AGBL3: variants seen among roughly 807,000 people sequenced by gnomAD.
AGBL3 encodes cytosolic carboxypeptidase 3.
Under a neutral mutation model 94.5 loss-of-function variants are expected in AGBL3, and 68 were observed. The observed-to-expected ratio is 0.72, with a 90% CI of 0.59 to 0.88. The LOEUF (loss-of-function observed/expected upper bound fraction) is 0.88. AGBL3 is among the 40% of genes least tolerant of loss of function. The pLI is 0.00. For missense variants in AGBL3, 934 were observed against 1,103.8 expected, an observed-to-expected ratio of 0.85 and a Z score of 2.18; for synonymous variants, 354 against 370.7, an observed-to-expected ratio of 0.95 and a Z score of 0.52.
chr7:135,037,255 T>C (rs1019096565), intron 7 of AGBL3, among the ~76,000 whole-genome samples, 163 bp from the exon 8 acceptor site: 1 of 152,136 alleles, frequency 6.6e-6, no homozygotes, highest in African/African-American at 2.4e-5. Context: ...TAAATTATTG[T>C]AGATTTAAAA....
intron 16 of AGBL3, among the ~76,000 whole-genome samples, chr7:135,120,314 C>A (rs1306267828): frequency 6.6e-6 from 1 of 151,788 alleles, no homozygotes; most frequent in Non-Finnish European, 1.5e-5. Context: ...TATTTAAGAC[C>A]ACTATAAATG....
intron 4 of AGBL3, among the ~76,000 whole-genome samples, chr7:135,014,237 T>C (rs974967528): frequency 1.3e-5 from 2 of 149,210 alleles, no homozygotes; most frequent in Non-Finnish European, 3.0e-5. Flanking sequence ...ACCCGAAATG[T>C]TGATACCTAT....
At chr7:135,030,905 G>A (rs1815670279) in intron 5 of AGBL3, among the ~76,000 whole-genome samples, 2 of 152,072 alleles carry the variant, frequency 1.3e-5, no homozygotes, top group African/African-American at 2.4e-5. Context: ...ACAAAATGAT[G>A]TTATGATTTA....
chr7:135,045,338 C>A, intron 9 of AGBL3, 136 bp from the exon 10 acceptor site: 1 of 682,672 alleles, frequency 1.5e-6, no homozygotes, highest in Non-Finnish European at 2.5e-6. Flanking sequence ...TGTTAAATGA[C>A]CTGTCCTGAA....
chr7:135,073,733 G>GT (rs1820191607), intron 12 of AGBL3, among the ~76,000 whole-genome samples: 1 of 151,964 alleles, frequency 6.6e-6, no homozygotes, highest in African/African-American at 2.4e-5. Flanking sequence ...CAGGGGGTAC[G>GT]TGACTGGGGG....
intron 16 of AGBL3, among the ~76,000 whole-genome samples, chr7:135,120,729 G>A (rs1827021018): frequency 6.6e-6 from 1 of 152,174 alleles, no homozygotes; most frequent in Non-Finnish European, 1.5e-5. Flanking sequence ...GAGGCAGGCT[G>A]AAAGTAAAAG....
chr7:135,094,809 A>G (rs1247075552), intron 15 of AGBL3, among the ~76,000 whole-genome samples: 1 of 152,224 alleles, frequency 6.6e-6, no homozygotes, highest in African/African-American at 2.4e-5. Flanking sequence ...TTCAGATTAC[A>G]TAAGTTGTTT....
intron 4 of AGBL3, among the ~76,000 whole-genome samples, chr7:135,016,200 T>G (rs1813787259): frequency 6.6e-6 from 1 of 152,198 alleles, no homozygotes; most frequent in Admixed American, 6.5e-5. Flanking sequence ...ACATTTAAAT[T>G]TTTAATTATA....
chr7:135,010,296 GT>G (rs760455127), intron 4 of AGBL3: 200 of 250,892 alleles, frequency 8.0e-4, no homozygotes, highest in South Asian at 1.6e-3. Context: ...AAAGTGCTGG[GT>G]TTTTTTTTGT....
intron 12 of AGBL3, among the ~76,000 whole-genome samples, chr7:135,066,842 C>T (rs1356513367): frequency 1.3e-5 from 2 of 152,172 alleles, no homozygotes; most frequent in African/African-American, 4.8e-5. Flanking sequence ...TCAGCATTTC[C>T]AACTGAGGTA....
intron 4 of AGBL3, among the ~76,000 whole-genome samples, chr7:135,004,059 G>A (rs1457840821): frequency 6.6e-6 from 1 of 151,276 alleles, no homozygotes; most frequent in Non-Finnish European, 1.5e-5. Context: ...GCAAATTATT[G>A]GCTTCTGGTT....
chr7:135,096,558 A>AAGATAGAAAGATAGAT (rs1822773897), intron 15 of AGBL3, among the ~76,000 whole-genome samples: 1 of 79,730 alleles, frequency 1.3e-5, no homozygotes, highest in African/African-American at 4.6e-5. Context: ...GAAAGAAAGA[A>AAGATAGAAAGATAGAT]AGATAGATAG....
At chr7:135,109,193 C>T (rs1825230512) in intron 15 of AGBL3, among the ~76,000 whole-genome samples, 1 of 152,160 alleles carries the variant, frequency 6.6e-6, no homozygotes, top group South Asian at 2.1e-4. Flanking sequence ...TCATTTCAAC[C>T]AACTCAGGTT....
chr7:135,117,441 T>C (rs554772808), intron 16 of AGBL3, among the ~76,000 whole-genome samples: 39 of 152,230 alleles, frequency 2.6e-4, no homozygotes, highest in Non-Finnish European at 5.0e-4. Flanking sequence ...TTACAGCACA[T>C]TAACTAGTTT....
At chr7:135,121,090 A>C (rs975288612) in intron 16 of AGBL3, among the ~76,000 whole-genome samples, 8 of 152,318 alleles carry the variant, frequency 5.3e-5, no homozygotes, top group Admixed American at 5.2e-4. Context: ...CTGTAATCCC[A>C]GCTACTCGGG....
At chr7:135,007,952 T>C (rs1428695447) in intron 4 of AGBL3, among the ~76,000 whole-genome samples, 2 of 151,984 alleles carry the variant, frequency 1.3e-5, no homozygotes, top group African/African-American at 2.4e-5. Context: ...GTACAAGACA[T>C]ACTCTGACAA....
intron 12 of AGBL3, among the ~76,000 whole-genome samples, chr7:135,068,575 A>C (rs529140625): frequency 1.3e-5 from 2 of 152,344 alleles, no homozygotes; most frequent in African/African-American, 4.8e-5. Flanking sequence ...AGTGGGGGCC[A>C]ATATTCAACA....
At chr7:135,036,098 A>T (rs1816279247) in intron 7 of AGBL3, among the ~76,000 whole-genome samples, 1 of 152,066 alleles carries the variant, frequency 6.6e-6, no homozygotes, top group South Asian at 2.1e-4. Flanking sequence ...TTTTGTTACA[A>T]ATGTAATATA....
At chr7:134,996,572 T>C (rs1811041017) in intron 4 of AGBL3, among the ~76,000 whole-genome samples, 1 of 152,214 alleles carries the variant, frequency 6.6e-6, no homozygotes, top group South Asian at 2.1e-4. Context: ...TGAAAGACTT[T>C]CCATATCAGT....
Sources: allele counts gnomAD v4.1 joint callset (sites outside exome capture counted in the v4.1 genomes callset), GRCh38; gene constraint gnomAD v4.1.1; transcripts MANE v1.5; gene names NCBI Gene and HGNC (gene_info 2026-07-23, HGNC 2026-07-21).